UBLCP1: variants seen among roughly 807,000 people sequenced by gnomAD.
UBLCP1 encodes ubiquitin-like domain-containing CTD phosphatase 1.
UBLCP1 carries 28 observed loss-of-function variants against 42.4 expected under a neutral mutation model. The ratio of observed to expected loss-of-function variants is 0.66; its 90% CI spans 0.49 to 0.90. The LOEUF is 0.90. Among genes scored for constraint, UBLCP1 ranks in the 40% least tolerant of loss-of-function variants. The pLI, the probability that UBLCP1 is intolerant of heterozygous loss-of-function variation, is 0.00. For synonymous variants in UBLCP1, 122 were observed against 120.8 expected (o/e 1.01, Z -0.07); for missense variants, 279 against 374.5 (o/e 0.75, Z 2.10).
rs961328512 is a variant in UBLCP1, at chr5:159,285,176, C to G, written c.*245C>G. ...AAAATATTTTCTCCAGCGTTGGTTA[C>G]TGACCACCCCACCCTCCCACCACAC... is the stretch of plus-strand genomic sequence containing the variant. On this transcript the variant is annotated 3_prime_UTR_variant, in exon 11 of 11. Transcript: ENST00000296786. 2 of 414,718 alleles carry G rather than the reference C, an allele frequency of 4.8e-6. 1 individual carries two copies. Among genetic ancestry groups the G allele is most frequent in the South Asian group, 4.7e-5 (2 of 42,308 alleles). 25.7% of individuals were successfully genotyped at this position (414,718 alleles called of 1,614,324 possible). A position where few individuals can be genotyped will look rare whatever the true frequency, so the allele number is the denominator to read the frequency against.
At chr5:159,278,695 C>T (rs541408207) in intron 9 of UBLCP1, among the ~76,000 whole-genome samples, 2 of 152,084 alleles carry the variant, frequency 1.3e-5, no homozygotes, top group Non-Finnish European at 2.9e-5. Flanking sequence ...GCCTCAGCCT[C>T]CTGAGTAGCT....
At chr5:159,267,104 C>T (rs1241728839) in intron 1 of UBLCP1, among the ~76,000 whole-genome samples, 1 of 152,150 alleles carries the variant, frequency 6.6e-6, no homozygotes, top group Admixed American at 6.5e-5. Flanking sequence ...GATCTGACAA[C>T]AGCTTGTACT....
chr5:159,279,280 A>G (rs1318464476), intron 9 of UBLCP1, among the ~76,000 whole-genome samples: 3 of 152,262 alleles, frequency 2.0e-5, no homozygotes, highest in Admixed American at 6.5e-5. Flanking sequence ...CAATCTTAGC[A>G]TGCAACTGCA....
chr5:159,270,962 A>ATG (rs1491522651), intron 5 of UBLCP1, among the ~76,000 whole-genome samples: 1 of 80,062 alleles, frequency 1.2e-5, no homozygotes, highest in Non-Finnish European at 3.1e-5. Flanking sequence ...ATTATGAATG[A>ATG]TATATATATA....
chr5:159,275,049 A>T, intron 7 of UBLCP1, 99 bp from the exon 8 acceptor site: 1 of 994,344 alleles, frequency 1.0e-6, no homozygotes, highest in Non-Finnish European at 1.6e-6. Flanking sequence ...CCAGTGGTGT[A>T]GAAAGTTGGC....
chr5:159,283,112 G>A, intron 9 of UBLCP1, 100 bp from the exon 10 acceptor site: 2 of 1,179,960 alleles, frequency 1.7e-6, no homozygotes, highest in Non-Finnish European at 2.4e-6. Flanking sequence ...TGTTCTTGGT[G>A]ATATTTTAAC....
Position 159,267,540 on chromosome 5 carries a change from G to A in UBLCP1, c.-46-1330G>A, listed in dbSNP as rs189222731. ...TGAATTAAGACTTTGGGGGACTGTT[G>A]GGAAGGCATGATTGGTTTTGAAATG... On this transcript the variant is annotated intron_variant, in intron 1 of 10. Transcript: ENST00000296786. Among the ~76,000 whole-genome samples, 290 of 152,260 alleles carry A rather than the reference G, an allele frequency of 1.9e-3. 1 individual carries two copies. The highest frequency in any genetic ancestry group is 6.6e-3 in the African/African-American group (273 of 41,540).
intron 8 of UBLCP1, 59 bp from the exon 9 acceptor site, chr5:159,278,179 T>C: frequency 8.0e-7 from 1 of 1,249,552 alleles, no homozygotes; most frequent in Non-Finnish European, 1.2e-6. Context: ...GTATTCCTGC[T>C]TTTAAGACAG....
intron 8 of UBLCP1, 59 bp from the exon 9 acceptor site, chr5:159,278,179 T>A: frequency 8.0e-7 from 1 of 1,249,552 alleles, no homozygotes; most frequent in South Asian, 1.2e-5. Flanking sequence ...GTATTCCTGC[T>A]TTTAAGACAG....
rs767226231 is a variant in UBLCP1, at chr5:159,283,243, G to A, written c.833G>A (p.Arg278His). Residue 278 changes from arginine (R) to histidine (H), a missense_variant, in exon 10 of 11, where the codon CGT (arginine) becomes CAT (histidine). Transcript: ENST00000296786. ...CCTTTTATGAAAGCGCACCTAAATC[G>A]TGATAAAGACAAAGAACTTTTAAAA... ...IRPFMKAHLN[R>H]DKDKELLKLT... 2.5e-6 allele frequency: 4 copies of A among 1,606,016 alleles called. No homozygotes were observed. Among genetic ancestry groups the A allele is most frequent in the South Asian group, 2.3e-5 (2 of 88,888 alleles).
At chr5:159,275,726 T>C (rs1225452455) in intron 8 of UBLCP1, among the ~76,000 whole-genome samples, 1 of 152,178 alleles carries the variant, frequency 6.6e-6, no homozygotes, top group Admixed American at 6.5e-5. Context: ...TTAAAAGATT[T>C]GAATTTTAAT....
intron 6 of UBLCP1, chr5:159,274,356 C>G: frequency 2.8e-6 from 1 of 356,006 alleles, no homozygotes; most frequent in South Asian, 7.2e-5. Context: ...CATGGATTAC[C>G]TGTATCTTAC....
At position 159,278,243 on chromosome 5, in the gene UBLCP1, G is replaced by T. The variant is rs761382053; in HGVS notation, c.690G>T (p.Lys230Asn). Residue 230 changes from lysine to asparagine, a missense_variant, in exon 9 of 11, where the codon AAG becomes AAT. By Grantham distance (94) the Lys-to-Asn change is moderately conservative. Transcript: ENST00000296786. ...HTPRRGLIDV[K>N]PLGVIWGKFS... ...ATGTAAACTTTTATTCTAAGGTAAA[G>T]CCTCTTGGTGTTATATGGGGAAAGT... 1.9e-6 allele frequency: 3 copies of T among 1,606,356 alleles called. No homozygotes were observed. In the African/African-American group the frequency reaches 4.0e-5, roughly 21 times the overall value.
At chr5:159,267,209 C>A (rs1443363145) in intron 1 of UBLCP1, among the ~76,000 whole-genome samples, 3 of 152,312 alleles carry the variant, frequency 2.0e-5, no homozygotes, top group Admixed American at 6.5e-5. Context: ...TGGAGCTATC[C>A]AAGACCATAG....
At chr5:159,279,393 C>T (rs1753579484) in intron 9 of UBLCP1, among the ~76,000 whole-genome samples, 2 of 152,206 alleles carry the variant, frequency 1.3e-5, no homozygotes, top group South Asian at 4.2e-4. Flanking sequence ...TACATGTTGG[C>T]GCAATATGAA....
At chr5:159,271,756 A>G (rs1753469795) in intron 5 of UBLCP1, among the ~76,000 whole-genome samples, 1 of 152,186 alleles carries the variant, frequency 6.6e-6, no homozygotes, top group Admixed American at 6.6e-5. Flanking sequence ...GGTGAGAAAA[A>G]AATTTTCAGT....
intron 10 of UBLCP1, 138 bp downstream of exon 10, chr5:159,283,477 C>A: frequency 1.5e-6 from 1 of 684,730 alleles, no homozygotes; most frequent in Non-Finnish European, 2.3e-6. Context: ...ATTTTCTAAT[C>A]CAGTGACCTA....
rs1338148337 is a variant in UBLCP1, at chr5:159,284,907, T to C, written c.933T>C (p.Tyr311=). 2.5e-6 allele frequency: 4 copies of C among 1,613,040 alleles called. No individual in the cohort carries two copies. Among genetic ancestry groups the C allele is most frequent in the Non-Finnish European group, 1.7e-6 (2 of 1,179,410 alleles). ...ATCTTTATTTTATTTCTTGCAGATA[T>C]CTCTCAAAGAAGCAAGGACAGTAGT... The part of the protein sequence containing the change: ...LDLNHKYWER[Y]LSKKQGQ The change falls in exon 11 of 11, where the codon TAT becomes TAC. Residue 311 remains tyrosine, a synonymous_variant. Coordinates refer to ENST00000296786, the MANE Select transcript of UBLCP1 (RefSeq NM_145049.5).
chr5:159,276,522 A>G lies in UBLCP1; in HGVS notation c.684+1276A>G, dbSNP rs1161575965. ...AAAATCTTAACATTAAAAATTACTT[A>G]GGGAAATGTTAAACATGTTTTATAA... On this transcript the variant is annotated intron_variant, in intron 8 of 10. Transcript: ENST00000296786. 2.6e-5 allele frequency among the ~76,000 whole-genome samples: 4 copies of G among 152,360 alleles called. No homozygotes were observed. In the East Asian group the frequency reaches 7.7e-4, roughly 29 times the overall value.
Sources: gnomAD v4.1 joint callset for allele counts (sites outside exome capture counted in the v4.1 genomes callset) on GRCh38, gnomAD v4.1.1 for gene constraint, MANE v1.5 for transcripts, NCBI Gene and HGNC (gene_info 2026-07-23, HGNC 2026-07-21) for gene names.